TIMM21: variants seen among roughly 807,000 people sequenced by gnomAD.
The protein encoded by TIMM21 is mitochondrial import inner membrane translocase subunit Tim21.
Under a neutral mutation model 27.7 loss-of-function variants are expected in TIMM21, and 30 were observed. The ratio of observed to expected loss-of-function variants is 1.08; its 90% CI spans 0.81 to 1.47. The LOEUF (loss-of-function observed/expected upper bound fraction) is 1.47, where lower values mean the gene tolerates loss of function less well. TIMM21 is among the 40% of genes most tolerant of loss of function. The pLI is 0.00. For missense variants in TIMM21, 292 were observed against 302.9 expected (o/e 0.96, Z 0.27); for synonymous variants, 121 against 114.4 (o/e 1.06, Z -0.37).
chr18:74,154,065 G>C (rs1052860800), intron 1 of TIMM21, among the ~76,000 whole-genome samples: 24 of 152,138 alleles, frequency 1.6e-4, no homozygotes, highest in African/African-American at 5.8e-4. Context: ...TAGATATACA[G>C]TAGCTGTTGG....
At chr18:74,151,945 C>CCCG (rs1555682319) in intron 1 of TIMM21, among the ~76,000 whole-genome samples, 2,343 of 145,336 alleles carry the variant, frequency 0.016, 277 homozygotes, top group African/African-American at 0.059. Context: ...GTTCCCCCCC[C>CCCG]CCCCGGGGGG....
At position 74,154,184 on chromosome 18, in the gene TIMM21, G is replaced by C. The variant is rs139483403; in HGVS notation, c.302-961G>C. Among the ~76,000 whole-genome samples the C allele has an allele frequency of 1.8e-4, 28 of 152,270 alleles. 1 individual carries two copies. The highest frequency in any genetic ancestry group is 1.4e-3 in the Admixed American group (22 of 15,300). On this transcript the variant is annotated intron_variant, in intron 1 of 5. Coordinates refer to ENST00000169551, the MANE Select transcript of TIMM21 (RefSeq NM_014177.3). ...TGATTGGGGTAATAGGGACAAATAAGCGTACTTGTATATGTATTTCTGTAT... is the reference window on the plus strand; with the variant it reads ...TGATTGGGGTAATAGGGACAAATAACCGTACTTGTATATGTATTTCTGTAT...
At chr18:74,155,524 A>G (rs1979928766) in intron 3 of TIMM21, 121 bp downstream of exon 3, 2 of 775,634 alleles carry the variant, frequency 2.6e-6, no homozygotes, top group Middle Eastern at 3.8e-4. Flanking sequence ...AATAATACAT[A>G]ATGGTCGAGT....
chr18:74,150,351 T>C (rs79535344), intron 1 of TIMM21, among the ~76,000 whole-genome samples: 177 of 152,352 alleles, frequency 1.2e-3, no homozygotes, highest in African/African-American at 4.1e-3. Flanking sequence ...TTGTAGCTAT[T>C]TTGAGCACTT....
chr18:74,153,367 G>A (rs1438126502), intron 1 of TIMM21, among the ~76,000 whole-genome samples: 1 of 152,210 alleles, frequency 6.6e-6, no homozygotes, highest in African/African-American at 2.4e-5. Context: ...ATGAATTGTT[G>A]GAAGGGACAG....
intron 1 of TIMM21, among the ~76,000 whole-genome samples, chr18:74,149,327 T>G (rs1376808529): frequency 6.6e-6 from 1 of 152,246 alleles, no homozygotes; most frequent in East Asian, 1.9e-4. Flanking sequence ...GATATAACTT[T>G]TTTTCATTAT....
At chr18:74,154,173 G>C (rs1200779674) in intron 1 of TIMM21, among the ~76,000 whole-genome samples, 1 of 152,176 alleles carries the variant, frequency 6.6e-6, no homozygotes, top group South Asian at 2.1e-4. Flanking sequence ...TGGGGTAATA[G>C]GGACAAATAA....
intron 4 of TIMM21, 23 bp downstream of exon 4, chr18:74,158,110 G>A: frequency 6.2e-7 from 1 of 1,614,080 alleles, no homozygotes; most frequent in South Asian, 1.1e-5. Flanking sequence ...GAATTCAGAG[G>A]AGGCTCTGGG....
chr18:74,158,031 T>G lies in TIMM21; in HGVS notation c.480T>G (p.Gly160=), dbSNP rs746444317. 1 of 1,614,190 alleles carries G rather than the reference T, an allele frequency of 6.2e-7. No homozygotes were observed. The highest frequency in any genetic ancestry group is 8.5e-7 in the Non-Finnish European group (1 of 1,180,036). Residue 160 remains glycine, a synonymous_variant, in exon 4 of 6, where the codon GGT becomes GGG. Coordinates refer to ENST00000169551, the MANE Select transcript of TIMM21 (RefSeq NM_014177.3). ...TTCTGCAGGTGATCGGTGTCTTTGG[T>G]GAGTCTGTTAAAGGCTATGGGGAGG... ...RSHPEVIGVF[G]ESVKGYGEVT...
intron 1 of TIMM21, among the ~76,000 whole-genome samples, chr18:74,149,358 G>A (rs751168488): frequency 6.6e-6 from 1 of 152,094 alleles, no homozygotes; most frequent in Non-Finnish European, 1.5e-5. Flanking sequence ...TTTTTCTCAA[G>A]TTATATTGGC....
intron 1 of TIMM21, among the ~76,000 whole-genome samples, chr18:74,150,771 G>A (rs1286206355): frequency 6.6e-6 from 1 of 152,170 alleles, no homozygotes; most frequent in Non-Finnish European, 1.5e-5. Context: ...TTTTGTAAAG[G>A]AAGACTGGTA....
intron 1 of TIMM21, among the ~76,000 whole-genome samples, chr18:74,153,583 A>C (rs1253841316): frequency 6.6e-6 from 1 of 152,238 alleles, no homozygotes; most frequent in Non-Finnish European, 1.5e-5. Context: ...TGAACCTTGG[A>C]AGGGAAATTG....
At chr18:74,156,129 C>T in intron 3 of TIMM21, 1 of 396,466 alleles carries the variant, frequency 2.5e-6, no homozygotes, top group Non-Finnish European at 4.4e-6. Flanking sequence ...TTTCTTACTC[C>T]CTGCTGCAGA....
At chr18:74,156,352 C>G (rs1236775486) in intron 3 of TIMM21, 2 of 396,240 alleles carry the variant, frequency 5.0e-6, no homozygotes, top group Non-Finnish European at 8.9e-6. Flanking sequence ...CTGATCTTCC[C>G]TGGGGCCCCG....
chr18:74,149,573 G>C (rs182532995), intron 1 of TIMM21, among the ~76,000 whole-genome samples: 1 of 151,426 alleles, frequency 6.6e-6, no homozygotes, highest in Admixed American at 6.6e-5. Context: ...TCTTCATTTC[G>C]CATGTGATTT....
At chr18:74,157,925 T>C in intron 3 of TIMM21, 89 bp from the exon 4 acceptor site, 1 of 1,437,848 alleles carries the variant, frequency 7.0e-7, no homozygotes, top group Middle Eastern at 2.0e-4. Flanking sequence ...ACTGATTTTT[T>C]TTTCCTAAAA....
intron 2 of TIMM21, 35 bp from the exon 3 acceptor site, chr18:74,155,271 T>G (rs775158256): frequency 1.2e-6 from 2 of 1,612,346 alleles, no homozygotes; most frequent in Non-Finnish European, 8.5e-7. Flanking sequence ...TATGTTGCCC[T>G]TGCTTCGCTT....
chr18:74,151,147 G>C (rs1270320048), intron 1 of TIMM21, among the ~76,000 whole-genome samples: 1 of 152,198 alleles, frequency 6.6e-6, no homozygotes. Context: ...TGTCAGCACA[G>C]ACTATGTCCA....
intron 3 of TIMM21, 165 bp from the exon 4 acceptor site, chr18:74,157,849 C>G (rs1031253363): frequency 7.3e-6 from 5 of 685,630 alleles, no homozygotes; most frequent in Non-Finnish European, 1.2e-5. Context: ...CCCATCTTGG[C>G]CTCCCAGATT....
Sources: gnomAD v4.1 joint callset for allele counts (sites outside exome capture counted in the v4.1 genomes callset) on GRCh38, gnomAD v4.1.1 for gene constraint, MANE v1.5 for transcripts, NCBI Gene and HGNC (gene_info 2026-07-23, HGNC 2026-07-21) for gene names.